TEX264: variants seen among roughly 807,000 people sequenced by gnomAD.
The protein encoded by TEX264 is testis-expressed protein 264.
In TEX264, 13 loss-of-function variants were observed where a neutral mutation model predicts 23.4. The observed-to-expected ratio is 0.56, with a 90% CI of 0.36 to 0.88. TEX264 has a LOEUF of 0.88. Among genes scored for constraint, TEX264 ranks in the 40% least tolerant of loss-of-function variants. The pLI, the probability that TEX264 is intolerant of heterozygous loss-of-function variation, is 0.01. For synonymous variants in TEX264, 159 were observed against 170.0 expected, an observed-to-expected ratio of 0.94 and a Z score of 0.50; for missense variants, 340 against 406.8, an observed-to-expected ratio of 0.84 and a Z score of 1.41.
At chr3:51,679,878 A>G (rs1028315469) in intron 2 of TEX264, among the ~76,000 whole-genome samples, 2 of 152,014 alleles carry the variant, frequency 1.3e-5, no homozygotes, top group African/African-American at 4.8e-5. Flanking sequence ...TGTCTGCATC[A>G]TCTCGTGTCC....
chr3:51,683,154 A>G (rs1191514654), intron 2 of TEX264: 2 of 152,784 alleles, frequency 1.3e-5, no homozygotes, highest in African/African-American at 4.8e-5. Flanking sequence ...TGGCAAAAAA[A>G]ATTTTTTTGC....
intron 3 of TEX264, among the ~76,000 whole-genome samples, chr3:51,688,400 T>C (rs780543792): frequency 2.6e-4 from 39 of 152,170 alleles, no homozygotes; most frequent in African/African-American, 7.2e-5. Flanking sequence ...TGGGATTGTG[T>C]GTGTAAGGTC....
Position 51,680,469 on chromosome 3 carries a change from C to G in TEX264, c.259-3944C>G, listed in dbSNP as rs189082603. Among the ~76,000 whole-genome samples the G allele has an allele frequency of 1.7e-3, 260 of 152,386 alleles. 1 individual carries two copies. Among genetic ancestry groups the G allele is most frequent in the Non-Finnish European group, 2.8e-3 (192 of 68,044 alleles). On this transcript the variant is annotated intron_variant, in intron 2 of 4. Coordinates refer to ENST00000341333, the MANE Select transcript of TEX264 (RefSeq NM_015926.6). The stretch of plus-strand genomic sequence containing the variant: ...CTGGAAGCCTCAGGTTCTAAGCAGA[C>G]TGCCCTCTCCTCCCAGTAATGGGAC...
Position 51,703,586 on chromosome 3 carries a change from G to A in TEX264, c.650-138G>A. 1.2e-6 allele frequency: 1 copy of A among 812,002 alleles called. No homozygotes were observed. The highest frequency in any genetic ancestry group is 1.9e-6 in the Non-Finnish European group (1 of 515,612). The allele number at this position is 812,002 out of a possible 1,614,324, so 50.3% of individuals were successfully genotyped here. A position where few individuals can be genotyped will look rare whatever the true frequency, so the allele number is the denominator to read the frequency against. ...TGTGCAGCCCCAGTCAGGGTAGAGG[G>A]CAGAGGGCAGCTGGAGCAAGCCCCC... On this transcript the variant is annotated intron_variant, in intron 4 of 4. Coordinates refer to ENST00000341333, the MANE Select transcript of TEX264 (RefSeq NM_015926.6). The surrounding 1 kb of genome is among the most constrained non-coding windows in gnomAD (Gnocchi z 4.8).
intron 2 of TEX264, chr3:51,683,350 G>A (rs1237083917): frequency 6.6e-6 from 1 of 152,276 alleles, no homozygotes; most frequent in East Asian, 1.9e-4. Flanking sequence ...ACAAAGTGAG[G>A]CCTCTTGATG....
intron 2 of TEX264, among the ~76,000 whole-genome samples, chr3:51,675,294 G>T (rs571602974): frequency 1.3e-5 from 2 of 152,178 alleles, no homozygotes; most frequent in Non-Finnish European, 2.9e-5. Context: ...CTATGCTATG[G>T]GGTGGTGCTG....
chr3:51,689,511 G>C (rs1173747759), intron 3 of TEX264, among the ~76,000 whole-genome samples: 7 of 151,818 alleles, frequency 4.6e-5, no homozygotes, highest in Admixed American at 4.6e-4. Flanking sequence ...AAGGACCCCA[G>C]ACCATAGTTC....
At chr3:51,679,598 G>A (rs1358253296) in intron 2 of TEX264, among the ~76,000 whole-genome samples, 1 of 152,194 alleles carries the variant, frequency 6.6e-6, no homozygotes, top group East Asian at 1.9e-4. Flanking sequence ...TGGCTTGGTT[G>A]TCTGGGCCTT....
intron 3 of TEX264, among the ~76,000 whole-genome samples, chr3:51,697,153 C>T (rs1038673182): frequency 3.9e-5 from 6 of 152,236 alleles, no homozygotes; most frequent in South Asian, 4.1e-4. Context: ...CACAGCCAGG[C>T]AACTTCAGAG....
chr3:51,684,043 G>A (rs1702522553), intron 2 of TEX264: 1 of 271,596 alleles, frequency 3.7e-6, no homozygotes, highest in Non-Finnish European at 7.1e-6. Context: ...GTCTTATGGT[G>A]GGGTGGAAGG....
In TEX264 at chr3:51,699,394, C is replaced by T. The variant is rs201087062; in HGVS notation, c.481-12C>T. 1.9e-4 allele frequency: 310 copies of T among 1,612,144 alleles called. 1 individual carries two copies. The African/African-American group carries it at 3.9e-3, about 21-fold the overall frequency. On this transcript the variant is annotated splice_polypyrimidine_tract_variant and intron_variant, in intron 3 of 4. Transcript: ENST00000341333. ...GTAGGGCTCATTCTACCTTTTGCCA[C>T]TCTCTGACTAGGAGCGGAAGCTGTG...
At chr3:51,680,140 G>C (rs1702372341) in intron 2 of TEX264, among the ~76,000 whole-genome samples, 1 of 152,224 alleles carries the variant, frequency 6.6e-6, no homozygotes, top group African/African-American at 2.4e-5. Context: ...AGCCCTCTGT[G>C]CCTGGGTTTG....
At chr3:51,699,183 T>A (rs1203439095) in intron 3 of TEX264, among the ~76,000 whole-genome samples, 2 of 152,172 alleles carry the variant, frequency 1.3e-5, no homozygotes, top group African/African-American at 4.8e-5. Flanking sequence ...TAGGGTGTCG[T>A]CCTGGGTCTT....
chr3:51,695,766 C>T (rs1703032665), intron 3 of TEX264, among the ~76,000 whole-genome samples: 1 of 152,162 alleles, frequency 6.6e-6, no homozygotes, highest in Admixed American at 6.5e-5. Context: ...ACTGTGGCAG[C>T]CTGTGTGAGG....
In TEX264 at chr3:51,703,132, C is replaced by T. The variant is rs1301033752; in HGVS notation, c.650-592C>T. Among the ~76,000 whole-genome samples, 1 of 152,204 alleles carries T rather than the reference C, an allele frequency of 6.6e-6. No individual in the cohort carries two copies. Among genetic ancestry groups the T allele is most frequent in the Non-Finnish European group, 1.5e-5 (1 of 68,038 alleles). On this transcript the variant is annotated intron_variant, in intron 4 of 4. Transcript: ENST00000341333. The surrounding 1 kb of genome is among the most constrained non-coding windows in gnomAD (Gnocchi z 4.8). ...CTTCTCCATCCTCCTCGTACTTCAG[C>T]TCCCTCCTCAACTGGGACTTGGTGT...
chr3:51,682,632 T>TA (rs1702470487), intron 2 of TEX264: 1 of 152,210 alleles, frequency 6.6e-6, no homozygotes, highest in African/African-American at 2.4e-5. Context: ...TCTTGTTTAA[T>TA]ATGGCAGTTC....
chr3:51,678,174 C>T (rs760573861), intron 2 of TEX264, among the ~76,000 whole-genome samples: 7 of 152,160 alleles, frequency 4.6e-5, no homozygotes, highest in Non-Finnish European at 8.8e-5. Context: ...CCTGCTTCTG[C>T]GGTGGGTGCT....
chr3:51,674,215 T>C (rs776395144), intron 1 of TEX264, 56 bp from the exon 2 acceptor site: 30 of 1,572,310 alleles, frequency 1.9e-5, no homozygotes, highest in Non-Finnish European at 2.3e-5. Context: ...GGCGGGCAAG[T>C]GGGCACATTG....
At chr3:51,696,365 C>G (rs1703057108) in intron 3 of TEX264, among the ~76,000 whole-genome samples, 1 of 152,166 alleles carries the variant, frequency 6.6e-6, no homozygotes, top group Non-Finnish European at 1.5e-5. Flanking sequence ...CAAGGGCTCC[C>G]TGGGGCTAAC....
Sources: gnomAD v4.1 joint callset for allele counts (sites outside exome capture counted in the v4.1 genomes callset) on GRCh38, gnomAD v4.1.1 for gene constraint, Gnocchi (gnomAD v3.1) non-coding constraint, MANE v1.5 for transcripts, NCBI Gene and HGNC (gene_info 2026-07-23, HGNC 2026-07-21) for gene names.